The following NPC1 variants were observed in gnomAD, a reference collection of about 807,000 sequenced individuals.
NPC1 encodes the protein NPC intracellular cholesterol transporter 1, also known as Niemann-Pick C1 protein.
NPC1 carries 85 observed loss-of-function variants against 140.4 expected under a neutral mutation model. The ratio of observed to expected loss-of-function variants is 0.61; its 90% CI spans 0.51 to 0.72. NPC1 has a LOEUF of 0.72. Ranked by LOEUF, NPC1 falls within the 30% of genes least tolerant of loss-of-function variation. NPC1 has a pLI of 0.00. For synonymous variants in NPC1, 656 were observed against 624.8 expected, an observed-to-expected ratio of 1.05 and a Z score of -0.74; for missense variants, 1,504 against 1,623.8, an observed-to-expected ratio of 0.93 and a Z score of 1.27.
chr18:23,579,963 T>C (rs1485880187), intron 1 of NPC1, among the ~76,000 whole-genome samples: 5 of 151,860 alleles, frequency 3.3e-5, no homozygotes, highest in South Asian at 2.1e-4. Flanking sequence ...AGGAGCTCCA[T>C]AAGCACACAT....
At chr18:23,527,809 G>C (rs1168104356), downstream of NPC1, 3 of 1,613,972 alleles carry the variant, frequency 1.9e-6, no homozygotes, top group African/African-American at 4.0e-5. Flanking sequence ...AAGTGAGTCA[G>C]ACAGAGCATC....
chr18:23,507,967 G>C lies in NPC1; in HGVS notation c.432-1325C>G, dbSNP rs564041813. ...GCCTAATCCAAATTTGTGTGTGTCT[G>C]TGTGTTTTTCCTTTCAGGATTTTTG... On this transcript the variant is annotated intron_variant, in intron 3 of 3. Coordinates refer to the NPC1 transcript ENST00000591107. 3.7e-6 allele frequency: 6 copies of C among 1,609,112 alleles called. No individual in the cohort carries two copies. In the African/African-American group the frequency reaches 6.7e-5, roughly 18 times the overall value.
intron 13 of NPC1, 115 bp downstream of exon 13, chr18:23,544,229 G>A (rs2058751451): frequency 2.0e-6 from 2 of 1,003,978 alleles, no homozygotes; most frequent in African/African-American, 1.6e-5. Flanking sequence ...AGCCACACAG[G>A]GAAAGGAAAC....
chr18:23,556,625 G>A lies in NPC1; in HGVS notation c.956-12C>T, dbSNP rs574995163. On this transcript the variant is annotated splice_polypyrimidine_tract_variant and intron_variant, in intron 7 of 24. Transcript: ENST00000269228. ...GCAGGACGCCTCTCCTGGAAGAACG[G>A]GAGAGGAAGGGAAGGTGGAGGTTAA... 2 of 1,613,776 alleles carry A rather than the reference G, an allele frequency of 1.2e-6. No individual in the cohort carries two copies. Among genetic ancestry groups the A allele is most frequent in the East Asian group, 4.5e-5 (2 of 44,852 alleles).
In NPC1 at chr18:23,583,458, G is replaced by A. The variant is rs138753911; in HGVS notation, c.57+2829C>T. On this transcript the variant is annotated intron_variant, in intron 1 of 24. Transcript: ENST00000269228. The stretch of plus-strand genomic sequence containing the variant: ...GTTAGGGGAACAGGACAAGAATGTC[G>A]TAGATAATGTAGCATGTGAAATGGG... 1.2e-4 allele frequency among the ~76,000 whole-genome samples: 19 copies of A among 152,172 alleles called. No individual in the cohort carries two copies. The Middle Eastern group carries it at 0.01, about 82-fold the overall frequency.
chr18:23,515,866 A>C (rs2057988954), intron 3 of NPC1: 1 of 1,613,990 alleles, frequency 6.2e-7, no homozygotes, highest in Admixed American at 1.7e-5. Flanking sequence ...GTATTACCAG[A>C]GAAACGGAGT....
chr18:23,540,933 AT>A, intron 16 of NPC1, 134 bp downstream of exon 16: 1 of 1,006,384 alleles, frequency 9.9e-7, no homozygotes, highest in South Asian at 1.3e-5. Flanking sequence ...ACTGTTCCAC[AT>A]TTGCTTTTGC....
intron 4 of NPC1, among the ~76,000 whole-genome samples, chr18:23,563,978 GTAGTAA>G (rs1156853378): frequency 2.3e-5 from 3 of 132,880 alleles, no homozygotes; most frequent in East Asian, 4.9e-4. Context: ...TTATCATTGA[GTAGTAA>G]GAGTTTTTTT....
chr18:23,549,749 T>C (rs1361656664), intron 10 of NPC1, among the ~76,000 whole-genome samples: 1 of 151,564 alleles, frequency 6.6e-6, no homozygotes, highest in Non-Finnish European at 1.5e-5. Flanking sequence ...CAACTTTTTT[T>C]TTTTTTTTTA....
Position 23,572,129 on chromosome 18 carries a change from G to A in NPC1, c.232C>T (p.Arg78Trp), listed in dbSNP as rs766822145. 31 of 1,613,638 alleles carry A rather than the reference G, an allele frequency of 1.9e-5. No homozygotes were observed. Among genetic ancestry groups the A allele is most frequent in the East Asian group, 1.8e-4 (8 of 44,876 alleles). Residue 78 changes from arginine to tryptophan, a missense_variant, in exon 3 of 25, where the codon CGG becomes TGG. Coordinates refer to ENST00000269228, the MANE Select transcript of NPC1 (RefSeq NM_000271.5). Reference protein sequence around the residue: ...FGNVSLCCDVRQLQTLKDNLQ... With the variant: ...FGNVSLCCDVWQLQTLKDNLQ... The stretch of plus-strand genomic sequence containing the variant: ...TTGTCTTTTAGTGTCTGAAGCTGCC[G>A]AACATCACAACAGAGACTGACATTG...
intron 1 of NPC1, among the ~76,000 whole-genome samples, chr18:23,576,189 A>G (rs1331620397): frequency 1.3e-5 from 2 of 152,078 alleles, no homozygotes; most frequent in Non-Finnish European, 2.9e-5. Context: ...GTGCCATTAC[A>G]CTCCAGCCTG....
intron 22 of NPC1, among the ~76,000 whole-genome samples, 187 bp downstream of exon 22, chr18:23,535,282 C>T (rs767853332): frequency 6.6e-6 from 1 of 152,138 alleles, no homozygotes; most frequent in African/African-American, 2.4e-5. Context: ...TGCTCGCTCC[C>T]TCTATGCCCT....
chr18:23,534,191 CCAGCTGTCTCATGTTTAA>C (rs2058588874), intron 23 of NPC1: 1 of 579,948 alleles, frequency 1.7e-6, no homozygotes, highest in Admixed American at 2.9e-5. Flanking sequence ...GGAAAGACTG[CCAGCTGTCTCATGTTTAA>C]CTTGTCTGTT....
At chr18:23,544,122 AAC>A (rs1433683458) in intron 13 of NPC1, among the ~76,000 whole-genome samples, 1 of 152,208 alleles carries the variant, frequency 6.6e-6, no homozygotes, top group African/African-American at 2.4e-5. Context: ...TACAATTTAA[AAC>A]ACAATTCTTA....
downstream of NPC1, chr18:23,530,330 AAACT>A (rs775064297): frequency 1.9e-6 from 3 of 1,613,994 alleles, no homozygotes; most frequent in Non-Finnish European, 2.5e-6. Context: ...TAGACTATGG[AAACT>A]AACTCTGTTC....
intron 16 of NPC1, among the ~76,000 whole-genome samples, 166 bp from the exon 17 acceptor site, chr18:23,540,703 AGTCCAAATTCCTGG>A (rs2058701717): frequency 6.6e-6 from 1 of 152,214 alleles, no homozygotes; most frequent in Non-Finnish European, 1.5e-5. Context: ...CAGCACCAGG[AGTCCAAATTCCTGG>A]GTGCAAATCC....
At chr18:23,568,678 T>C in intron 4 of NPC1, 145 bp downstream of exon 4, 2 of 696,546 alleles carry the variant, frequency 2.9e-6, no homozygotes, top group Non-Finnish European at 5.0e-6. Context: ...AGTCCTAGGA[T>C]ACAAGCAAAG....
chr18:23,549,658 C>CT (rs375168225), intron 10 of NPC1, among the ~76,000 whole-genome samples: 18,671 of 147,786 alleles, frequency 0.13, 1,512 homozygotes, highest in Middle Eastern at 0.28. Flanking sequence ...AAATAAAAAC[C>CT]TTTTTTTTTT....
At chr18:23,510,385 C>CACTGT (rs1162304624) in intron 3 of NPC1, among the ~76,000 whole-genome samples, 2 of 151,610 alleles carry the variant, frequency 1.3e-5, no homozygotes, top group African/African-American at 4.8e-5. Flanking sequence ...CAGTGGCTCA[C>CACTGT]ACCTGTAATC....
Sources: allele counts gnomAD v4.1 joint callset (sites outside exome capture counted in the v4.1 genomes callset), GRCh38; gene constraint gnomAD v4.1.1; transcripts MANE v1.5; gene names NCBI Gene and HGNC (gene_info 2026-07-23, HGNC 2026-07-21).